Variants in SLC4A10 observed in about 807,000 individuals in gnomAD.
SLC4A10 encodes the protein sodium-driven chloride bicarbonate exchanger.
Under a neutral mutation model 137.7 loss-of-function variants are expected in SLC4A10, and 42 were observed. The observed-to-expected ratio is 0.30, with a 90% CI of 0.24 to 0.39. The LOEUF is 0.39. SLC4A10 is among the 10% of genes least tolerant of loss of function. The pLI is 1.00. For missense variants in SLC4A10, 925 were observed against 1,355.0 expected, an observed-to-expected ratio of 0.68 and a Z score of 4.98; for synonymous variants, 474 against 464.1, an observed-to-expected ratio of 1.02 and a Z score of -0.27.
At chr2:161,741,919 G>T (rs1303985563) in intron 1 of SLC4A10, among the ~76,000 whole-genome samples, 1 of 152,046 alleles carries the variant, frequency 6.6e-6, no homozygotes, top group East Asian at 1.9e-4. Context: ...CTTATTCATT[G>T]TATCTAACTA....
intron 11 of SLC4A10, among the ~76,000 whole-genome samples, chr2:161,899,167 C>T (rs1262132941): frequency 6.6e-6 from 1 of 152,084 alleles, no homozygotes; most frequent in Admixed American, 6.6e-5. Flanking sequence ...CACATCTACT[C>T]AAGAGCACAA....
At chr2:161,957,348 A>G in intron 20 of SLC4A10, 108 bp downstream of exon 20, 1 of 1,202,186 alleles carries the variant, frequency 8.3e-7, no homozygotes, top group South Asian at 1.6e-5. Flanking sequence ...GTGGCATGTG[A>G]TGAAAGTGAT....
At chr2:161,928,809 C>G (rs1374187954) in intron 15 of SLC4A10, among the ~76,000 whole-genome samples, 1 of 151,890 alleles carries the variant, frequency 6.6e-6, no homozygotes, top group Non-Finnish European at 1.5e-5. Context: ...CACTATATGC[C>G]ATGCGTATAG....
At chr2:161,908,984 T>A (rs564605845) in intron 15 of SLC4A10, among the ~76,000 whole-genome samples, 3 of 150,158 alleles carry the variant, frequency 2.0e-5, no homozygotes, top group African/African-American at 7.4e-5. Context: ...ATGATCCCTG[T>A]CTGTCATGGT....
intron 1 of SLC4A10, among the ~76,000 whole-genome samples, chr2:161,652,146 G>C (rs2036890420): frequency 1.3e-5 from 2 of 152,178 alleles, no homozygotes; most frequent in Admixed American, 6.5e-5. Context: ...GGGAGGGGAA[G>C]CTCCACCTCC....
intron 20 of SLC4A10, among the ~76,000 whole-genome samples, chr2:161,958,047 T>C (rs559173447): frequency 6.6e-6 from 1 of 152,202 alleles, no homozygotes; most frequent in Admixed American, 6.5e-5. Flanking sequence ...ATTATCCATA[T>C]ATTTACAAAT....
At chr2:161,865,210 T>C (rs2060667917) in intron 6 of SLC4A10, among the ~76,000 whole-genome samples, 1 of 152,072 alleles carries the variant, frequency 6.6e-6, no homozygotes, top group Admixed American at 6.5e-5. Context: ...GGAGCAATGA[T>C]TTATTGTAAT....
intron 1 of SLC4A10, among the ~76,000 whole-genome samples, chr2:161,629,339 T>C (rs2033089830): frequency 6.6e-6 from 1 of 151,426 alleles, no homozygotes; most frequent in African/African-American, 2.4e-5. Context: ...TTTTTTTTTT[T>C]AGAAAAAGGG....
intron 1 of SLC4A10, among the ~76,000 whole-genome samples, chr2:161,638,832 T>C (rs1002381501): frequency 4.0e-5 from 6 of 151,246 alleles, no homozygotes; most frequent in Admixed American, 1.3e-4. Context: ...AGATCTTTCA[T>C]CTCTTTGGTT....
chr2:161,976,728 T>C, intron 24 of SLC4A10, 32 bp from the exon 25 acceptor site: 1 of 1,169,618 alleles, frequency 8.5e-7, no homozygotes, highest in Non-Finnish European at 1.2e-6. Context: ...TATGTAATGT[T>C]TATTATTTCA....
At chr2:161,974,593 T>A (rs548765916) in intron 24 of SLC4A10, among the ~76,000 whole-genome samples, 48 of 152,270 alleles carry the variant, frequency 3.2e-4, no homozygotes, top group African/African-American at 1.1e-3. Flanking sequence ...ATCCCTTTCA[T>A]ATTCTCAGAA....
intron 1 of SLC4A10, among the ~76,000 whole-genome samples, chr2:161,722,721 G>A (rs1559110106): frequency 6.6e-6 from 1 of 152,198 alleles, no homozygotes; most frequent in African/African-American, 2.4e-5. Context: ...CTGCTCTGGG[G>A]AAAATCCCCT....
Position 161,706,363 on chromosome 2 carries a change from G to T in SLC4A10, c.49-64610G>T, listed in dbSNP as rs1025608656. 5.3e-5 allele frequency among the ~76,000 whole-genome samples: 8 copies of T among 151,528 alleles called. No homozygotes were observed. In the East Asian group the frequency reaches 1.5e-3, roughly 29 times the overall value. On this transcript the variant is annotated intron_variant, in intron 1 of 26. Coordinates refer to ENST00000446997, the MANE Select transcript of SLC4A10 (RefSeq NM_001178015.2). ...CATTTAATAACTTTGATATGTAATAGTATAGGAGATTAGGAATGAACCTTG... is the reference window on the plus strand; with the variant it reads ...CATTTAATAACTTTGATATGTAATATTATAGGAGATTAGGAATGAACCTTG...
At chr2:161,846,009 T>C (rs1436373953) in intron 4 of SLC4A10, among the ~76,000 whole-genome samples, 1 of 152,138 alleles carries the variant, frequency 6.6e-6, no homozygotes, top group Non-Finnish European at 1.5e-5. Context: ...ATGTTTGTGC[T>C]GTGAAAGATT....
At chr2:161,718,043 A>G (rs2045147548) in intron 1 of SLC4A10, among the ~76,000 whole-genome samples, 1 of 152,090 alleles carries the variant, frequency 6.6e-6, no homozygotes, top group Non-Finnish European at 1.5e-5. Flanking sequence ...AGGAGGGTGT[A>G]TGTGTCCAGG....
chr2:161,723,152 T>G lies in SLC4A10; in HGVS notation c.49-47821T>G, dbSNP rs1055375840. On this transcript the variant is annotated intron_variant, in intron 1 of 26. Coordinates refer to ENST00000446997, the MANE Select transcript of SLC4A10 (RefSeq NM_001178015.2). The stretch of plus-strand genomic sequence containing the variant: ...AGCCTGCCGAGAGTCCTCACAGCCC[T>G]GTGCTTGGGTCCCAAGGCACTAGTG... Among the ~76,000 whole-genome samples the G allele has an allele frequency of 9.2e-5, 14 of 152,288 alleles. No homozygotes were observed. In the South Asian group the frequency reaches 1.7e-3, roughly 18 times the overall value.
At chr2:161,661,429 G>T (rs938591810) in intron 1 of SLC4A10, among the ~76,000 whole-genome samples, 2 of 152,204 alleles carry the variant, frequency 1.3e-5, no homozygotes, top group African/African-American at 4.8e-5. Context: ...AGCCGAGATT[G>T]CACCACTGCA....
intron 10 of SLC4A10, among the ~76,000 whole-genome samples, chr2:161,888,912 G>C (rs2062614589): frequency 6.6e-6 from 1 of 152,118 alleles, no homozygotes; most frequent in Non-Finnish European, 1.5e-5. Flanking sequence ...TATGATATTG[G>C]CTGTGGGTTT....
At chr2:161,818,742 G>T (rs1273239647) in intron 3 of SLC4A10, among the ~76,000 whole-genome samples, 1 of 152,234 alleles carries the variant, frequency 6.6e-6, no homozygotes, top group East Asian at 1.9e-4. Flanking sequence ...TAATCATGTG[G>T]TTTTTGTCTT....
Sources: allele counts gnomAD v4.1 joint callset (sites outside exome capture counted in the v4.1 genomes callset), GRCh38; gene constraint gnomAD v4.1.1; transcripts MANE v1.5; gene names NCBI Gene and HGNC (gene_info 2026-07-23, HGNC 2026-07-21).